LRRC8C: variants seen among roughly 807,000 people sequenced by gnomAD.
LRRC8C encodes the protein leucine rich repeat containing 8 VRAC subunit C, also known as volume-regulated anion channel subunit LRRC8C.
A neutral mutation model predicts 55.3 loss-of-function variants in LRRC8C; 20 were observed. That is an observed-to-expected ratio of 0.36 (90% confidence interval 0.25 to 0.53). LRRC8C has a LOEUF of 0.53. Among genes scored for constraint, LRRC8C ranks in the 20% least tolerant of loss-of-function variants. The pLI, the probability that LRRC8C is intolerant of heterozygous loss-of-function variation, is 0.92. For missense variants in LRRC8C, 659 were observed against 951.4 expected (o/e 0.69, Z 4.04); for synonymous variants, 376 against 360.7 (o/e 1.04, Z -0.48).
chr1:89,623,730 A>G, the LRRC8C span, among the ~76,000 whole-genome samples: 8 of 152,186 alleles, frequency 5.3e-5, no homozygotes, highest in Admixed American at 3.9e-4. Context: ...TCAAAAAAAA[A>G]AGAAAAATGC....
Position 89,674,261 on chromosome 1 carries a change from C to CAGT in LRRC8C, c.-4-12207_-4-12205dup, listed in dbSNP as rs147025280. Among the ~76,000 whole-genome samples, 364 of 151,996 alleles carry CAGT rather than the reference C, an allele frequency of 2.4e-3. 1 individual carries two copies. Among genetic ancestry groups the CAGT allele is most frequent in the African/African-American group, 8.2e-3 (340 of 41,446 alleles). ...TCGGCACAATGTAGATTTGAGAGAC[C>CAGT]AGTAACATTTGGCTATTTCCACCTA... On this transcript the variant is annotated intron_variant, in intron 1 of 2. Coordinates refer to ENST00000370454, the MANE Select transcript of LRRC8C (RefSeq NM_032270.5).
At chr1:89,664,758 A>G (rs1000346963) in intron 1 of LRRC8C, among the ~76,000 whole-genome samples, 3 of 152,106 alleles carry the variant, frequency 2.0e-5, no homozygotes, top group Non-Finnish European at 4.4e-5. Flanking sequence ...CACGATATTG[A>G]TTCTTTCTAT....
intron 1 of LRRC8C, among the ~76,000 whole-genome samples, chr1:89,660,494 T>C (rs534931724): frequency 6.6e-6 from 1 of 152,252 alleles, no homozygotes; most frequent in African/African-American, 2.4e-5. Flanking sequence ...GCAGCCAAGG[T>C]TGAGAGCCAC....
chr1:89,689,363 C>G (rs1428783063), intron 2 of LRRC8C, among the ~76,000 whole-genome samples: 1 of 152,060 alleles, frequency 6.6e-6, no homozygotes, highest in African/African-American at 2.4e-5. Flanking sequence ...GCCTTCTAGG[C>G]CACTGGAGGG....
intron 1 of LRRC8C, among the ~76,000 whole-genome samples, chr1:89,633,615 T>G (rs1656196543): frequency 6.6e-6 from 1 of 151,988 alleles, no homozygotes; most frequent in East Asian, 1.9e-4. Flanking sequence ...CGGCAGGTCC[T>G]GCAGACTGGG....
intron 1 of LRRC8C, chr1:89,661,220 TG>T: frequency 4.4e-6 from 1 of 228,634 alleles, no homozygotes; most frequent in South Asian, 6.0e-5. Context: ...GTTAGAAATC[TG>T]GACCTTCTTT....
At chr1:89,686,818 A>G (rs771409408) in intron 2 of LRRC8C, among the ~76,000 whole-genome samples, 10 of 152,246 alleles carry the variant, frequency 6.6e-5, no homozygotes, top group Non-Finnish European at 1.3e-4. Flanking sequence ...AAAGATTTCA[A>G]TGAGCCCAAA....
chr1:89,670,366 T>A (rs1237247789), intron 1 of LRRC8C, among the ~76,000 whole-genome samples: 1 of 152,204 alleles, frequency 6.6e-6, no homozygotes, highest in African/African-American at 2.4e-5. Context: ...AATTTCATTT[T>A]CTCTTCGAAG....
chr1:89,640,756 G>T (rs1383101890), intron 1 of LRRC8C, among the ~76,000 whole-genome samples: 1 of 152,154 alleles, frequency 6.6e-6, no homozygotes, highest in Non-Finnish European at 1.5e-5. Context: ...TCTGAGTTGG[G>T]TGTTTTAGAA....
rs942159165 is a variant in LRRC8C, at chr1:89,719,114, A to T, written c.*4132A>T. On this transcript the variant is annotated 3_prime_UTR_variant, in exon 3 of 3. Coordinates refer to ENST00000370454, the MANE Select transcript of LRRC8C (RefSeq NM_032270.5). ...GTTCATTTTTGAAAGGTGGAGGAGG[A>T]TCTCCCCCTGCCCAAAGGAATTTTT... 3 of 152,314 alleles carry T rather than the reference A, an allele frequency of 2.0e-5. No individual in the cohort carries two copies. The allele number at this position is 152,314 out of a possible 1,614,324, so 9.4% of individuals were successfully genotyped here.
chr1:89,642,588 G>A (rs1157562332), intron 1 of LRRC8C, among the ~76,000 whole-genome samples: 2 of 152,046 alleles, frequency 1.3e-5, no homozygotes, highest in Admixed American at 6.6e-5. Flanking sequence ...AGTGGCTCAC[G>A]CCTGTAATCC....
chr1:89,616,092 C>T, the LRRC8C span, among the ~76,000 whole-genome samples: 1 of 152,146 alleles, frequency 6.6e-6, no homozygotes, highest in Non-Finnish European at 1.5e-5. Context: ...CCATGGAGAT[C>T]ATTGTGCCCT....
rs1454275656 is a variant in LRRC8C, at chr1:89,652,612, G to A, written c.-5+19290G>A. 2.0e-5 allele frequency among the ~76,000 whole-genome samples: 3 copies of A among 152,102 alleles called. No individual in the cohort carries two copies. In the East Asian group the frequency reaches 5.8e-4, roughly 29 times the overall value. On this transcript the variant is annotated intron_variant, in intron 1 of 2. Coordinates refer to ENST00000370454, the MANE Select transcript of LRRC8C (RefSeq NM_032270.5). ...TGCATTATCATTTAAGACCACACTA[G>A]GTACGAGGCTCTCAGCGGTGGATCA...
At chr1:89,672,172 G>A (rs1422803351) in intron 1 of LRRC8C, among the ~76,000 whole-genome samples, 1 of 152,140 alleles carries the variant, frequency 6.6e-6, no homozygotes, top group African/African-American at 2.4e-5. Flanking sequence ...TGTTCTCCTG[G>A]CCTTGGCCTC....
At position 89,688,504 on chromosome 1, in the gene LRRC8C, G is replaced by T. The variant is rs58068648; in HGVS notation, c.138+1893G>T. The stretch of plus-strand genomic sequence containing the variant: ...AGATAGAAGCTGCAATCTTCAAATA[G>T]GATGGCCTGGGAAGGCCTCATTGGA... On this transcript the variant is annotated intron_variant, in intron 2 of 2. Coordinates refer to ENST00000370454, the MANE Select transcript of LRRC8C (RefSeq NM_032270.5). Among the ~76,000 whole-genome samples the T allele has an allele frequency of 4.0e-3, 609 of 152,304 alleles. 6 individuals carry two copies. The highest frequency in any genetic ancestry group is 0.014 in the African/African-American group (574 of 41,566).
At chr1:89,649,318 C>T (rs1656696680) in intron 1 of LRRC8C, among the ~76,000 whole-genome samples, 1 of 152,118 alleles carries the variant, frequency 6.6e-6, no homozygotes, top group Non-Finnish European at 1.5e-5. Flanking sequence ...TTGCAAAGTA[C>T]TATTAAAGCA....
At chr1:89,710,141 T>G (rs1658609392) in intron 2 of LRRC8C, among the ~76,000 whole-genome samples, 1 of 152,222 alleles carries the variant, frequency 6.6e-6, no homozygotes, top group Non-Finnish European at 1.5e-5. Flanking sequence ...CACATTCCTT[T>G]TCCCTGCTGA....
rs779663471 is a variant in LRRC8C, at chr1:89,713,215, C to T, written c.645C>T (p.Ser215=). The change falls in exon 3 of 3, where the codon TCC becomes TCT. Residue 215 remains serine (S), a synonymous_variant. Coordinates refer to ENST00000370454, the MANE Select transcript of LRRC8C (RefSeq NM_032270.5). This position sits in a 1 kb window ranked among gnomAD's most constrained non-coding sequence, Gnocchi z 5.2. ...TGGTCAACTCTCAGTCTTTAAAGTC[C>T]ATTCCTGAGAAGTTTGTAGTTGATA... ...DSLVNSQSLK[S]IPEKFVVDKS... The T allele has an allele frequency of 1.9e-6, 3 of 1,614,166 alleles. No individual in the cohort carries two copies. The South Asian group carries it at 3.3e-5, about 18-fold the overall frequency.
intron 1 of LRRC8C, among the ~76,000 whole-genome samples, chr1:89,651,737 A>G (rs977091232): frequency 5.3e-5 from 8 of 152,102 alleles, no homozygotes; most frequent in African/African-American, 1.4e-4. Flanking sequence ...ACTTGCTGTA[A>G]GGGAGGAGTT....
Sources: allele counts gnomAD v4.1 joint callset (sites outside exome capture counted in the v4.1 genomes callset), GRCh38; gene constraint gnomAD v4.1.1; non-coding constraint Gnocchi (gnomAD v3.1); transcripts MANE v1.5; gene names NCBI Gene and HGNC (gene_info 2026-07-23, HGNC 2026-07-21).